SERPINI2: variants seen among roughly 807,000 people sequenced by gnomAD.
SERPINI2 encodes the protein serpin family I member 2, also known as serpin I2.
In SERPINI2, 48 loss-of-function variants were observed where a neutral mutation model predicts 47.3. The observed-to-expected ratio is 1.02, with a 90% confidence interval of 0.81 to 1.29. The LOEUF (loss-of-function observed/expected upper bound fraction) is 1.29. SERPINI2 is among the 50% of genes most tolerant of loss of function. The pLI is 0.00. For missense variants in SERPINI2, 448 were observed against 456.9 expected, an observed-to-expected ratio of 0.98 and a Z score of 0.18; for synonymous variants, 135 against 149.3, an observed-to-expected ratio of 0.90 and a Z score of 0.70.
intron 8 of SERPINI2, among the ~76,000 whole-genome samples, chr3:167,446,168 T>C (rs1438658798): frequency 6.6e-6 from 1 of 152,184 alleles, no homozygotes; most frequent in Non-Finnish European, 1.5e-5. Flanking sequence ...GATGGTTATA[T>C]GAAATGGCTA....
intron 2 of SERPINI2, among the ~76,000 whole-genome samples, chr3:167,467,786 T>C (rs760229443): frequency 6.6e-6 from 1 of 152,154 alleles, no homozygotes; most frequent in Admixed American, 6.6e-5. Flanking sequence ...TTTTAAATTT[T>C]ACAAGGCAAC....
chr3:167,458,426 A>ATTTT (rs34639120), intron 5 of SERPINI2, among the ~76,000 whole-genome samples: 8 of 129,006 alleles, frequency 6.2e-5, no homozygotes, highest in Admixed American at 2.3e-4. Flanking sequence ...AATTGTTTGT[A>ATTTT]TTTTTTTTTT....
intron 5 of SERPINI2, among the ~76,000 whole-genome samples, chr3:167,456,685 T>C (rs1749803769): frequency 6.6e-6 from 1 of 152,174 alleles, no homozygotes; most frequent in South Asian, 2.1e-4. Context: ...ATTAGCTGTG[T>C]GACCATAGGC....
chr3:167,468,337 G>A (rs1221175144), intron 2 of SERPINI2, among the ~76,000 whole-genome samples: 2 of 151,962 alleles, frequency 1.3e-5, no homozygotes, highest in African/African-American at 4.8e-5. Flanking sequence ...CTAAGCTTGT[G>A]TAAATACATT....
rs142183528 is a variant in SERPINI2 at position 167,467,439 on chromosome 3, G to A, written c.248-154C>T. ...TTCAAAGTTAGTATAAATATTTTAA[G>A]GATGTATCTCCTGTAGAATATGCAT... is the stretch of plus-strand genomic sequence containing the variant. On this transcript the variant is annotated intron_variant, in intron 2 of 8. Coordinates refer to ENST00000264677, the Ensembl canonical transcript of SERPINI2. Among the ~76,000 whole-genome samples the A allele has an allele frequency of 2.6e-5, 4 of 152,166 alleles. 1 individual carries two copies. The East Asian group carries it at 7.7e-4, about 29-fold the overall frequency.
At chr3:167,443,949 AC>A (rs1431378401) in intron 8 of SERPINI2, among the ~76,000 whole-genome samples, 1 of 152,106 alleles carries the variant, frequency 6.6e-6, no homozygotes, top group Non-Finnish European at 1.5e-5. Flanking sequence ...CTAAATAGGT[AC>A]CCCCATATTT....
At chr3:167,461,914 G>A (rs1453738729) in intron 5 of SERPINI2, among the ~76,000 whole-genome samples, 1 of 148,950 alleles carries the variant, frequency 6.7e-6, no homozygotes, top group Admixed American at 6.7e-5. Flanking sequence ...GCCACATCTG[G>A]CAACTATAGA....
intron 8 of SERPINI2, among the ~76,000 whole-genome samples, chr3:167,444,241 G>T (rs892370722): frequency 6.6e-6 from 1 of 152,064 alleles, no homozygotes; most frequent in Non-Finnish European, 1.5e-5. Context: ...AGCCTATAAA[G>T]TTGGCCTACA....
At chr3:167,466,304 C>G (rs1390608628) in intron 3 of SERPINI2, among the ~76,000 whole-genome samples, 1 of 152,162 alleles carries the variant, frequency 6.6e-6, no homozygotes. Flanking sequence ...TCAACTTATG[C>G]TTCCCCATAT....
At chr3:167,454,059 T>C (rs1749722563) in intron 5 of SERPINI2, among the ~76,000 whole-genome samples, 1 of 152,244 alleles carries the variant, frequency 6.6e-6, no homozygotes, top group East Asian at 1.9e-4. Flanking sequence ...TGAGGGGCTT[T>C]GTCTATGCCC....
chr3:167,465,857 G>A (rs1484198913), intron 3 of SERPINI2, among the ~76,000 whole-genome samples, 184 bp from the exon 4 acceptor site: 2 of 152,086 alleles, frequency 1.3e-5, no homozygotes, highest in African/African-American at 4.8e-5. Context: ...TGAAGAAACA[G>A]GTGCAAATGG....
intron 5 of SERPINI2, among the ~76,000 whole-genome samples, chr3:167,453,702 C>G (rs963550565): frequency 1.3e-5 from 2 of 149,884 alleles, no homozygotes; most frequent in Non-Finnish European, 1.5e-5. Flanking sequence ...CTGCTTCCAA[C>G]ACTGAGCCGT....
intron 5 of SERPINI2, among the ~76,000 whole-genome samples, chr3:167,463,695 T>C (rs938441065): frequency 6.6e-6 from 1 of 152,118 alleles, no homozygotes; most frequent in Non-Finnish European, 1.5e-5. Context: ...AAAGAGAAGA[T>C]TAATAAAGAT....
At chr3:167,451,418 C>A (rs1434514080) in intron 6 of SERPINI2, among the ~76,000 whole-genome samples, 1 of 152,182 alleles carries the variant, frequency 6.6e-6, no homozygotes, top group South Asian at 2.1e-4. Context: ...TTCATAGTAG[C>A]CTTTAGTGAA....
chr3:167,458,894 A>G (rs529901948), intron 5 of SERPINI2, among the ~76,000 whole-genome samples: 2 of 152,330 alleles, frequency 1.3e-5, no homozygotes, highest in East Asian at 3.9e-4. Context: ...ATTAAAATAT[A>G]AATGCTAACA....
chr3:167,469,908 T>G (rs1241048779), intron 2 of SERPINI2, among the ~76,000 whole-genome samples: 1 of 152,154 alleles, frequency 6.6e-6, no homozygotes, highest in Non-Finnish European at 1.5e-5. Flanking sequence ...ACAAGGTTGT[T>G]TACTTAACAA....
chr3:167,463,540 A>G (rs936674640), intron 5 of SERPINI2, among the ~76,000 whole-genome samples: 5 of 152,178 alleles, frequency 3.3e-5, no homozygotes, highest in African/African-American at 9.7e-5. Flanking sequence ...AGAGAAAGAA[A>G]TAAGTCAGTA....
intron 3 of SERPINI2, 96 bp from the exon 4 acceptor site, chr3:167,465,769 G>T (rs1021995907): frequency 3.6e-5 from 37 of 1,035,930 alleles, no homozygotes; most frequent in Non-Finnish European, 4.9e-5. Context: ...GTCTTTTGCA[G>T]ATCAGTTTTG....
intron 5 of SERPINI2, among the ~76,000 whole-genome samples, chr3:167,455,524 G>T (rs891492758): frequency 6.7e-6 from 1 of 149,286 alleles, no homozygotes; most frequent in African/African-American, 2.5e-5. Flanking sequence ...CCCAGCTTTG[G>T]TACAGTGGGC....
Sources: gnomAD v4.1 joint callset for allele counts (sites outside exome capture counted in the v4.1 genomes callset) on GRCh38, gnomAD v4.1.1 for gene constraint, MANE v1.5 for transcripts, NCBI Gene and HGNC (gene_info 2026-07-23, HGNC 2026-07-21) for gene names.